The following USP9X variants were observed in gnomAD, a reference collection of about 807,000 sequenced individuals.
USP9X encodes ubiquitin specific peptidase 9 X-linked, also known as ubiquitin carboxyl-terminal hydrolase 9X.
USP9X carries 7 observed loss-of-function variants against 190.3 expected under a neutral mutation model. The observed-to-expected ratio is 0.04, with a 90% CI of 0.02 to 0.07. USP9X has a LOEUF of 0.07. Ranked by LOEUF, USP9X falls within the 10% of genes least tolerant of loss-of-function variation. The probability of loss-of-function intolerance (pLI) is 1.00; values close to 1 mark genes in which losing one functional copy is unlikely to be tolerated. For synonymous variants in USP9X, 645 were observed against 659.5 expected (o/e 0.98, Z 0.34); for missense variants, 1,010 against 1,916.9 (o/e 0.53, Z 8.83).
intron 2 of USP9X, among the ~76,000 whole-genome samples, chrX:41,124,242 G>A (rs1210088374): frequency 9.0e-6 from 1 of 110,776 alleles, no homozygotes; most frequent in Admixed American, 9.6e-5. Flanking sequence ...TAAGGAGTTC[G>A]AGACCAGCCT....
intron 18 of USP9X, among the ~76,000 whole-genome samples, chrX:41,169,267 G>A (rs1451231625): frequency 2.7e-5 from 3 of 110,454 alleles, no homozygotes; most frequent in East Asian, 5.7e-4. Context: ...GAGCCACTGC[G>A]TCCAGCCAAC....
chrX:41,138,295 A>T (rs1207369718), intron 6 of USP9X, among the ~76,000 whole-genome samples: 2 of 111,745 alleles, frequency 1.8e-5, no homozygotes, highest in African/African-American at 6.5e-5. Flanking sequence ...ATGTCATGAT[A>T]TAATGAAAAA....
intron 14 of USP9X, 132 bp from the exon 15 acceptor site, chrX:41,162,658 G>T: frequency 2.3e-6 from 1 of 433,077 alleles, no homozygotes; most frequent in South Asian, 7.7e-5. Context: ...ACCACCAACT[G>T]GTAGAATTTA....
chrX:41,190,645 A>G (rs755346675), intron 26 of USP9X, among the ~76,000 whole-genome samples: 1 of 112,027 alleles, frequency 8.9e-6, no homozygotes, highest in Non-Finnish European at 1.9e-5. Flanking sequence ...TTGTTATTCT[A>G]TGTTGAATTT....
At chrX:41,192,076 G>C (rs908731624) in intron 26 of USP9X, among the ~76,000 whole-genome samples, 1 of 111,683 alleles carries the variant, frequency 9.0e-6, no homozygotes, top group African/African-American at 3.3e-5. Flanking sequence ...CTTCCCACCT[G>C]TAGTGTTGTA....
chrX:41,157,554 A>C (rs776162460), intron 14 of USP9X, among the ~76,000 whole-genome samples: 3 of 110,993 alleles, frequency 2.7e-5, no homozygotes, highest in African/African-American at 9.8e-5. Flanking sequence ...TATGAAGTCT[A>C]TTTCCCAGTC....
chrX:41,113,360 C>G (rs958740486), intron 1 of USP9X, among the ~76,000 whole-genome samples: 1 of 110,567 alleles, frequency 9.0e-6, no homozygotes, highest in East Asian at 2.8e-4. Flanking sequence ...GCCACCATGC[C>G]CGACTAATTT....
chrX:41,184,385 C>T lies in USP9X; in HGVS notation c.3280-12C>T, dbSNP rs1313925800. ...TAATACAGCCCTCTCCCCCTCTTCT[C>T]TATTTTTCCAGGTAGTCTATGCCTT... On this transcript the variant is annotated splice_polypyrimidine_tract_variant and intron_variant, in intron 22 of 44. Transcript: ENST00000378308. The T allele has an allele frequency of 8.3e-6, 10 of 1,202,318 alleles. No individual in the cohort carries two copies. Among genetic ancestry groups the T allele is most frequent in the Non-Finnish European group, 1.1e-5 (10 of 891,147 alleles).
At chrX:41,109,108 A>G (rs1389709855) in intron 1 of USP9X, among the ~76,000 whole-genome samples, 4 of 111,753 alleles carry the variant, frequency 3.6e-5, no homozygotes, top group African/African-American at 1.3e-4. Flanking sequence ...GCCACAGACT[A>G]TCCTTACTGA....
chrX:41,230,644 T>C (rs375442274), intron 44 of USP9X, 48 bp downstream of exon 44: 1 of 1,047,589 alleles, frequency 9.5e-7, no homozygotes, highest in Non-Finnish European at 1.3e-6. Flanking sequence ...CTGGGTTTTA[T>C]GCTTAATTTT....
intron 20 of USP9X, 164 bp from the exon 21 acceptor site, chrX:41,171,674 T>C (rs2062726941): frequency 3.3e-6 from 2 of 607,494 alleles, no homozygotes; most frequent in Non-Finnish European, 5.4e-6. Context: ...ATCTGCACTA[T>C]TAAGGATTTG....
At chrX:41,089,419 A>G (rs1476790752) in intron 1 of USP9X, among the ~76,000 whole-genome samples, 5 of 112,032 alleles carry the variant, frequency 4.5e-5, no homozygotes, top group Non-Finnish European at 7.5e-5. Context: ...GACTATCAAG[A>G]TAGTCTCCAA....
Position 41,143,542 on chromosome X carries a change from T to C in USP9X, c.1314+99T>C, listed in dbSNP as rs757646053. 21 of 751,305 alleles carry C rather than the reference T, an allele frequency of 2.8e-5. 1 individual carries two copies. The Admixed American group carries it at 5.8e-4, about 21-fold the overall frequency. 61.9% of individuals were successfully genotyped at this position (751,305 alleles called of 1,213,427 possible). Reference sequence around the variant, plus strand: ...TCATGAAATGGATGCAGGCTTGTATTGTTTGACTTTGAGAACGTTTAAATG... The same window carrying C: ...TCATGAAATGGATGCAGGCTTGTATCGTTTGACTTTGAGAACGTTTAAATG... On this transcript the variant is annotated intron_variant, in intron 10 of 44. Transcript: ENST00000378308.
At chrX:41,154,685 G>A (rs1383853721) in intron 14 of USP9X, among the ~76,000 whole-genome samples, 1 of 111,761 alleles carries the variant, frequency 8.9e-6, no homozygotes, top group African/African-American at 3.3e-5. Flanking sequence ...AGTCTGCATA[G>A]TTGCCTAGGT....
At chrX:41,171,374 A>G (rs1452044195) in intron 20 of USP9X, among the ~76,000 whole-genome samples, 1 of 112,078 alleles carries the variant, frequency 8.9e-6, no homozygotes. Context: ...CTATGTAGGA[A>G]AATACCTGTA....
At chrX:41,214,923 A>G (rs1422203515) in intron 34 of USP9X, among the ~76,000 whole-genome samples, 1 of 112,387 alleles carries the variant, frequency 8.9e-6, no homozygotes, top group Non-Finnish European at 1.9e-5. Flanking sequence ...TAAGATAAAA[A>G]TAGGTAAATA....
chrX:41,110,109 C>T (rs1035048602), intron 1 of USP9X, among the ~76,000 whole-genome samples: 2 of 111,207 alleles, frequency 1.8e-5, no homozygotes, highest in African/African-American at 3.3e-5. Context: ...CAAACACCCC[C>T]TCCCCCAGAG....
At chrX:41,144,237 T>G (rs972688457) in intron 10 of USP9X, among the ~76,000 whole-genome samples, 9 of 105,808 alleles carry the variant, frequency 8.5e-5, no homozygotes, top group African/African-American at 2.8e-4. Context: ...TTTTTTTTTT[T>G]GAGATGGAGT....
chrX:41,211,740 G>T (rs1158868373), intron 33 of USP9X, among the ~76,000 whole-genome samples: 45 of 96,504 alleles, frequency 4.7e-4, no homozygotes, highest in Non-Finnish European at 8.1e-4. Flanking sequence ...CCAGCCAGCT[G>T]CCCCATCCGG....
Sources: allele counts gnomAD v4.1 joint callset (sites outside exome capture counted in the v4.1 genomes callset), GRCh38; gene constraint gnomAD v4.1.1; transcripts MANE v1.5; gene names NCBI Gene and HGNC (gene_info 2026-07-23, HGNC 2026-07-21).